TGM6: variants seen among roughly 807,000 people sequenced by gnomAD.
TGM6 encodes transglutaminase 6, also known as protein-glutamine gamma-glutamyltransferase 6.
Under a neutral mutation model 77.5 loss-of-function variants are expected in TGM6, and 74 were observed. That is an observed-to-expected ratio of 0.96 (90% confidence interval 0.79 to 1.16). TGM6 has a LOEUF of 1.16. Among genes scored for constraint, TGM6 ranks in the 50% most tolerant of loss-of-function variants. The pLI is 0.00. For synonymous variants in TGM6, 383 were observed against 378.9 expected (o/e 1.01, Z -0.12); for missense variants, 968 against 940.2 (o/e 1.03, Z -0.39).
At chr20:2,419,210 ATC>A (rs1361652306) in intron 10 of TGM6, among the ~76,000 whole-genome samples, 1 of 150,890 alleles carries the variant, frequency 6.6e-6, no homozygotes, top group African/African-American at 2.4e-5. Flanking sequence ...CTGTCTCTCT[ATC>A]TCTCTCAGTC....
At chr20:2,394,793 G>T (rs1389735591) in intron 2 of TGM6, among the ~76,000 whole-genome samples, 168 bp downstream of exon 2, 1 of 152,168 alleles carries the variant, frequency 6.6e-6, no homozygotes, top group African/African-American at 2.4e-5. Flanking sequence ...GCTTTCTGGG[G>T]GTGGTTGGGA....
At chr20:2,401,591 G>T (rs1227880641) in intron 7 of TGM6, among the ~76,000 whole-genome samples, 2 of 152,164 alleles carry the variant, frequency 1.3e-5, no homozygotes, top group Non-Finnish European at 2.9e-5. Context: ...TCTGTGCCAG[G>T]TCCAGTTCTA....
In TGM6 at chr20:2,399,531, G is replaced by A. The variant is rs745792380; in HGVS notation, c.673-30G>A. The A allele has an allele frequency of 2.5e-6, 4 of 1,612,152 alleles. No individual in the cohort carries two copies. In the Admixed American group the frequency reaches 6.7e-5, roughly 27 times the overall value. ...GTTCTTGAGGTAGGAAGCCCTGCCT[G>A]GTTGTGGACCCGTGCCCTCCTCTGC... is the stretch of plus-strand genomic sequence containing the variant. On this transcript the variant is annotated intron_variant, in intron 5 of 12. Coordinates refer to ENST00000202625, the MANE Select transcript of TGM6 (RefSeq NM_198994.3).
chr20:2,388,175 A>G (rs1021687729), intron 1 of TGM6, among the ~76,000 whole-genome samples: 6 of 152,156 alleles, frequency 3.9e-5, no homozygotes, highest in Admixed American at 6.5e-5. Context: ...AAAGAAGAGT[A>G]TGTGGGATGG....
chr20:2,392,366 T>C (rs2084634844), intron 1 of TGM6, among the ~76,000 whole-genome samples: 1 of 152,212 alleles, frequency 6.6e-6, no homozygotes, highest in Non-Finnish European at 1.5e-5. Flanking sequence ...AAGCCTTGCT[T>C]GTGCCCCTTC....
intron 2 of TGM6, among the ~76,000 whole-genome samples, chr20:2,394,846 G>A (rs952105765): frequency 1.3e-5 from 2 of 152,142 alleles, no homozygotes; most frequent in Admixed American, 1.3e-4. Flanking sequence ...TGACCTCTCT[G>A]GAACCCTGTG....
Position 2,397,916 on chromosome 20 carries a change from A to G in TGM6, c.544-2A>G. ...TCTAAGCACAGCCTCTCTGGGGAGC[A>G]GTTTGAGGAGGACATCCTGAACATC... On this transcript the variant is annotated splice_acceptor_variant, in intron 4 of 12. Coordinates refer to ENST00000202625, the MANE Select transcript of TGM6 (RefSeq NM_198994.3). LOFTEE classifies it high-confidence loss of function. 2 of 1,614,118 alleles carry G rather than the reference A, an allele frequency of 1.2e-6. No individual in the cohort carries two copies. Among genetic ancestry groups the G allele is most frequent in the Non-Finnish European group, 1.7e-6 (2 of 1,180,006 alleles).
rs387907097 is a variant in TGM6, at chr20:2,417,445, T to G, written c.1550T>G (p.Leu517Trp). The G allele has an allele frequency of 3.3e-5, 53 of 1,612,302 alleles. No individual in the cohort carries two copies. The East Asian group carries it at 1.1e-3, about 33-fold the overall frequency. Residue 517 changes from leucine (L) to tryptophan (W), a missense_variant, in exon 10 of 13, where the codon TTG becomes TGG. By Grantham distance (61) the Leu-to-Trp change is moderately conservative. Coordinates refer to ENST00000202625, the MANE Select transcript of TGM6 (RefSeq NM_198994.3). ...LGHDLRLALC[L>W]ANLTSRAQRV... ...CACGACCTGAGACTGGCCCTGTGCT[T>G]GGCCAACCTCACCTCCCGGGCCCAG... is the stretch of plus-strand genomic sequence containing the variant.
In TGM6 at chr20:2,400,313, G is replaced by A. The variant is rs1489997315; in HGVS notation, c.858G>A (p.Arg286=). The A allele has an allele frequency of 3.7e-6, 6 of 1,614,214 alleles. No individual in the cohort carries two copies. The highest frequency in any genetic ancestry group is 3.3e-4 in the Middle Eastern group (2 of 6,062). The change falls in exon 7 of 13, where the codon AGG becomes AGA. Residue 286 remains arginine, a synonymous_variant. Transcript: ENST00000202625. ...VFAGVLCTVL[R]CLGIATRVVS... ...AGCCTCTCTGCTCTGCAGTCCTCAG[G>A]TGCTTGGGGATAGCCACACGGGTCG... is the stretch of plus-strand genomic sequence containing the variant.
intron 10 of TGM6, among the ~76,000 whole-genome samples, chr20:2,425,985 A>G (rs1388512164): frequency 6.6e-6 from 1 of 152,182 alleles, no homozygotes; most frequent in African/African-American, 2.4e-5. Context: ...CCATTATCCA[A>G]CTTCTCTTCA....
intron 10 of TGM6, among the ~76,000 whole-genome samples, chr20:2,422,103 G>A (rs541328167): frequency 1.3e-5 from 2 of 152,234 alleles, no homozygotes; most frequent in Non-Finnish European, 2.9e-5. Flanking sequence ...GTGCACTCCA[G>A]CCTGGGCGAT....
At chr20:2,390,590 A>G (rs2084623558) in intron 1 of TGM6, among the ~76,000 whole-genome samples, 1 of 152,256 alleles carries the variant, frequency 6.6e-6, no homozygotes. Flanking sequence ...AATGAACAAA[A>G]CAGACACAGC....
chr20:2,396,677 G>A (rs1419674395), intron 4 of TGM6, 53 bp downstream of exon 4: 31 of 1,550,802 alleles, frequency 2.0e-5, no homozygotes, highest in Admixed American at 1.3e-4. Context: ...TGGGGAGGTC[G>A]GTGGGACTGG....
At chr20:2,419,133 ATCTCCC>A (rs1163078011) in intron 10 of TGM6, among the ~76,000 whole-genome samples, 5 of 151,996 alleles carry the variant, frequency 3.3e-5, no homozygotes, top group African/African-American at 1.2e-4. Flanking sequence ...TTTTGCCGGT[ATCTCCC>A]TCTCCATCTG....
intron 1 of TGM6, among the ~76,000 whole-genome samples, chr20:2,392,085 G>C (rs140206193): frequency 1.9e-3 from 291 of 152,262 alleles, no homozygotes; most frequent in Middle Eastern, 3.4e-3. Context: ...CTCTCCCTTA[G>C]GGTTCATCTC....
chr20:2,430,590 T>A lies in TGM6; in HGVS notation c.1823T>A (p.Ile608Asn), dbSNP rs2084917607. 6.2e-7 allele frequency: 1 copy of A among 1,613,996 alleles called. No homozygotes were observed. Among genetic ancestry groups the A allele is most frequent in the Admixed American group, 1.7e-5 (1 of 60,004 alleles). Residue 608 changes from isoleucine (I) to asparagine (N), a missense_variant, in exon 11 of 13, where the codon ATC (isoleucine) becomes AAC (asparagine). Coordinates refer to ENST00000202625, the MANE Select transcript of TGM6 (RefSeq NM_198994.3). ...AAGGACATTACTCTAGAGGACTTCA[T>A]CACCATCAAGGTGACCTCAGCCTGC... ...VEKDITLEDFITIKVLGPAMV... is the reference protein window; with the variant it reads ...VEKDITLEDFNTIKVLGPAMV...
At chr20:2,400,247 G>A (rs1334500515) in intron 6 of TGM6, 59 bp from the exon 7 acceptor site, 3 of 1,610,032 alleles carry the variant, frequency 1.9e-6, no homozygotes, top group East Asian at 4.5e-5. Context: ...TGCTGTGGAA[G>A]CCAGGCCCCT....
intron 9 of TGM6, among the ~76,000 whole-genome samples, chr20:2,414,535 A>G (rs980657540): frequency 2.6e-5 from 4 of 152,224 alleles, no homozygotes; most frequent in Non-Finnish European, 5.9e-5. Flanking sequence ...TAGTGTTACC[A>G]TGACCCGGCA....
chr20:2,430,351 G>C, intron 10 of TGM6, 95 bp from the exon 11 acceptor site: 4 of 1,508,168 alleles, frequency 2.7e-6, no homozygotes, highest in Non-Finnish European at 2.8e-6. Context: ...GGACCAGAGA[G>C]AAAGGAGCTA....
Sources: gnomAD v4.1 joint callset for allele counts (sites outside exome capture counted in the v4.1 genomes callset) on GRCh38, gnomAD v4.1.1 for gene constraint, MANE v1.5 for transcripts, NCBI Gene and HGNC (gene_info 2026-07-23, HGNC 2026-07-21) for gene names.